Variants in RPL37A observed in about 807,000 individuals in gnomAD.
RPL37A encodes the protein large ribosomal subunit protein eL43.
RPL37A carries 5 observed loss-of-function variants against 13.6 expected under a neutral mutation model. The observed-to-expected ratio is 0.37, with a 90% confidence interval of 0.19 to 0.78. The LOEUF is 0.78. Ranked by LOEUF, RPL37A falls within the 30% of genes least tolerant of loss-of-function variation. RPL37A has a pLI of 0.49. For synonymous variants in RPL37A, 50 were observed against 44.4 expected (o/e 1.13, Z -0.50); for missense variants, 77 against 120.0 (o/e 0.64, Z 1.67).
chr2:216,501,360 G>A lies in RPL37A; in HGVS notation c.235G>A (p.Val79Ile). The change falls in exon 4 of 4, where the codon GTA becomes ATA. Residue 79 changes from valine to isoleucine, a missense_variant. Val to Ile is a conservative substitution (Grantham distance 29). Coordinates refer to ENST00000491306, the MANE Select transcript of RPL37A (RefSeq NM_000998.5). Reference sequence around the variant, plus strand: ...TTCCAGTACCACTTCCGCTGTCACGGTAAAGTCCGCCATCAGAAGACTGAA... The same window carrying A: ...TTCCAGTACCACTTCCGCTGTCACGATAAAGTCCGCCATCAGAAGACTGAA... ...WTYNTTSAVT[V>I]KSAIRRLKEL... 1 of 1,612,452 alleles carries A rather than the reference G, an allele frequency of 6.2e-7. No individual in the cohort carries two copies. The highest frequency in any genetic ancestry group is 8.5e-7 in the Non-Finnish European group (1 of 1,179,460).
At chr2:216,500,322 G>A (rs1232227292) in intron 3 of RPL37A, 2 of 431,768 alleles carry the variant, frequency 4.6e-6, no homozygotes, top group African/African-American at 2.0e-5. Flanking sequence ...CATTAGTGGG[G>A]CTGAATCTAC....
At chr2:216,499,782 CGTTTAT>C in intron 2 of RPL37A, 161 bp from the exon 3 acceptor site, 1 of 727,958 alleles carries the variant, frequency 1.4e-6, no homozygotes, top group Non-Finnish European at 2.5e-6. Flanking sequence ...AAGGTTTGAA[CGTTTAT>C]GTGCAAAATA....
chr2:216,500,763 T>C lies in RPL37A; in HGVS notation c.216-578T>C, dbSNP rs906319087. ...TTATTTATATACTTACAATACAGGA[T>C]GGTGATTTTCAGGTATAGTTCCTGA... On this transcript the variant is annotated intron_variant, in intron 3 of 3. Transcript: ENST00000491306. The C allele has an allele frequency of 2.6e-5, 4 of 152,418 alleles. No homozygotes were observed. In the East Asian group the frequency reaches 7.7e-4, roughly 29 times the overall value. The allele number at this position is 152,418 out of a possible 1,614,324, so 9.4% of individuals were successfully genotyped here. A position where few individuals can be genotyped will look rare whatever the true frequency, so the allele number is the denominator to read the frequency against.
chr2:216,502,494 A>G lies in RPL37A; in HGVS notation c.*1090A>G, dbSNP rs982578462. 1 of 152,234 alleles carries G rather than the reference A, an allele frequency of 6.6e-6. No individual in the cohort carries two copies. Among genetic ancestry groups the G allele is most frequent in the African/African-American group, 2.4e-5 (1 of 41,470 alleles). 9.4% of individuals were successfully genotyped at this position (152,234 alleles called of 1,614,324 possible). On this transcript the variant is annotated 3_prime_UTR_variant, in exon 4 of 4. Transcript: ENST00000491306. ...TTCTCCAGTTTTTAGTTTGCACGTA[A>G]GGATTCGTAGGATTGATTTCAGATT...
Position 216,503,602 on chromosome 2 carries a change from A to G in RPL37A, c.*2198A>G, listed in dbSNP as rs1052881466. ...TTTTTAGTAGAGATGGGCTTTCGCC[A>G]TGTTGACCAGGCTGGTCTCAAACTC... On this transcript the variant is annotated 3_prime_UTR_variant, in exon 4 of 4. Coordinates refer to ENST00000491306, the MANE Select transcript of RPL37A (RefSeq NM_000998.5). 2.0e-5 allele frequency: 3 copies of G among 152,170 alleles called. No individual in the cohort carries two copies. Among genetic ancestry groups the G allele is most frequent in the Non-Finnish European group, 4.4e-5 (3 of 68,038 alleles). The allele number at this position is 152,170 out of a possible 1,614,324, so 9.4% of individuals were successfully genotyped here.
chr2:216,498,878 G>A lies in RPL37A; in HGVS notation c.3+1G>A, dbSNP rs750610716. The A allele has an allele frequency of 1.2e-6, 2 of 1,614,080 alleles. No individual in the cohort carries two copies. The highest frequency in any genetic ancestry group is 1.7e-5 in the Admixed American group (1 of 60,024). On this transcript the variant is annotated splice_donor_variant, in intron 1 of 3. Coordinates refer to ENST00000491306, the MANE Select transcript of RPL37A (RefSeq NM_000998.5). LOFTEE classifies it high-confidence loss of function. ...CTCGGACCTAGGTCGCGGCGACATG[G>A]TGAGTGTGGGTCTCTGTGCGGCCTA...
rs368482384 is a variant in RPL37A, at chr2:216,500,063, G to A, written c.215+32G>A. ...CTAGTTCCTTGTGGTATTTGGAAGT[G>A]TGTGGACCACATAGGCCCAAATTCC... On this transcript the variant is annotated intron_variant, in intron 3 of 3. Coordinates refer to ENST00000491306, the MANE Select transcript of RPL37A (RefSeq NM_000998.5). 17 of 1,572,712 alleles carry A rather than the reference G, an allele frequency of 1.1e-5. No individual in the cohort carries two copies. In the African/African-American group the frequency reaches 1.6e-4, roughly 15 times the overall value.
rs1695544857 is a variant in RPL37A at position 216,498,851 on chromosome 2, G to A, written c.-24G>A. On this transcript the variant is annotated 5_prime_UTR_variant, in exon 1 of 4. Coordinates refer to ENST00000491306, the MANE Select transcript of RPL37A (RefSeq NM_000998.5). ...TGCGCACCGCGTCTCTTCCTTTCTG[G>A]GCTCGGACCTAGGTCGCGGCGACAT... is the stretch of plus-strand genomic sequence containing the variant. 1.9e-6 allele frequency: 3 copies of A among 1,614,090 alleles called. No homozygotes were observed. Among genetic ancestry groups the A allele is most frequent in the Non-Finnish European group, 2.5e-6 (3 of 1,179,964 alleles).
chr2:216,500,109 A>G (rs937232932), intron 3 of RPL37A, 78 bp downstream of exon 3: 6 of 1,042,692 alleles, frequency 5.8e-6, no homozygotes, highest in South Asian at 3.8e-5. Flanking sequence ...TGGATGGGCT[A>G]GTTTTAACAC....
At chr2:216,499,032 G>A (rs2106108758) in intron 1 of RPL37A, 155 bp downstream of exon 1, 1 of 1,274,852 alleles carries the variant, frequency 7.8e-7, no homozygotes, top group South Asian at 1.3e-5. Flanking sequence ...TCCCCAAGGC[G>A]GAGGGGCGGG....
intron 3 of RPL37A, 32 bp from the exon 4 acceptor site, chr2:216,501,309 A>G (rs1017537734): frequency 1.3e-6 from 2 of 1,586,370 alleles, no homozygotes; most frequent in Non-Finnish European, 1.7e-6. Flanking sequence ...TAACATGCTT[A>G]ATTATGTTGG....
chr2:216,501,306 C>CTTAA, intron 3 of RPL37A, 35 bp from the exon 4 acceptor site: 1 of 1,579,504 alleles, frequency 6.3e-7, no homozygotes. Flanking sequence ...TGTTAACATG[C>CTTAA]TTAATTATGT....
intron 2 of RPL37A, chr2:216,499,662 G>A: frequency 1.6e-6 from 1 of 630,280 alleles, no homozygotes; most frequent in Non-Finnish European, 2.8e-6. Context: ...AACCTGCTTT[G>A]TGGGAAATGA....
At position 216,503,075 on chromosome 2, in the gene RPL37A, GAC is replaced by G. The variant is rs1695626093; in HGVS notation, c.*1675_*1676del. 1 of 152,174 alleles carries G rather than the reference GAC, an allele frequency of 6.6e-6. No individual in the cohort carries two copies. Among genetic ancestry groups the G allele is most frequent in the South Asian group, 2.1e-4 (1 of 4,834 alleles). 9.4% of individuals were successfully genotyped at this position (152,174 alleles called of 1,614,324 possible). A position where few individuals can be genotyped will look rare whatever the true frequency, so the allele number is the denominator to read the frequency against. On this transcript the variant is annotated 3_prime_UTR_variant, in exon 4 of 4. Coordinates refer to ENST00000491306, the MANE Select transcript of RPL37A (RefSeq NM_000998.5). ...CAGGATTTTCAGGCTTCATAGGAAT[GAC>G]ACAGCTCTCCAGGTGAATCTCCTGG...
rs1695554732 is a variant in RPL37A at position 216,499,264 on chromosome 2, A to C, written c.4-6A>C. 1 of 1,611,576 alleles carries C rather than the reference A, an allele frequency of 6.2e-7. No homozygotes were observed. The highest frequency in any genetic ancestry group is 8.5e-7 in the Non-Finnish European group (1 of 1,179,356). ...TATCACTGGTTTCTCCCTTCACTCT[A>C]AACAGGCCAAACGTACCAAGAAAGT... is the stretch of plus-strand genomic sequence containing the variant. On this transcript the variant is annotated splice_region_variant and splice_polypyrimidine_tract_variant and intron_variant, in intron 1 of 3. Coordinates refer to ENST00000491306, the MANE Select transcript of RPL37A (RefSeq NM_000998.5).
At position 216,499,281 on chromosome 2, in the gene RPL37A, C is replaced by T. The variant is rs552195231; in HGVS notation, c.15C>T (p.Thr5=). The change falls in exon 2 of 4, where the codon ACC becomes ACT. Residue 5 remains threonine (T), a synonymous_variant. Coordinates refer to ENST00000491306, the MANE Select transcript of RPL37A (RefSeq NM_000998.5). ...TTCACTCTAAACAGGCCAAACGTAC[C>T]AAGAAAGTCGGGATCGTCGGTAAAT... is the stretch of plus-strand genomic sequence containing the variant. The part of the protein sequence containing the change: MAKR[T]KKVGIVGKYG... 1.2e-6 allele frequency: 2 copies of T among 1,612,726 alleles called. No individual in the cohort carries two copies. Among genetic ancestry groups the T allele is most frequent in the East Asian group, 2.2e-5 (1 of 44,898 alleles).
chr2:216,503,654 T>G lies in RPL37A; in HGVS notation c.*2250T>G. 6.6e-6 allele frequency: 1 copy of G among 152,214 alleles called. No individual in the cohort carries two copies. The highest frequency in any genetic ancestry group is 2.4e-5 in the African/African-American group (1 of 41,466). 9.4% of individuals were successfully genotyped at this position (152,214 alleles called of 1,614,324 possible). On this transcript the variant is annotated 3_prime_UTR_variant, in exon 4 of 4. Transcript: ENST00000491306. ...CAGGCTCAACTGATAACGTCTGCCT[T>G]GGCCTCCCAAAGTGCTGGGATTCTG... is the stretch of plus-strand genomic sequence containing the variant.
In RPL37A at chr2:216,503,510, T is replaced by G. The variant is rs2106112093; in HGVS notation, c.*2106T>G. 6.6e-6 allele frequency: 1 copy of G among 152,340 alleles called. No homozygotes were observed. The highest frequency in any genetic ancestry group is 2.1e-4 in the South Asian group (1 of 4,830). 9.4% of individuals were successfully genotyped at this position (152,340 alleles called of 1,614,324 possible). On this transcript the variant is annotated 3_prime_UTR_variant, in exon 4 of 4. Coordinates refer to ENST00000491306, the MANE Select transcript of RPL37A (RefSeq NM_000998.5). ...CCCGGGTTCAAGCAGTTCTCGTGCC[T>G]CAGCCTCCGAAGTAGCTGGGATTAC...
chr2:216,501,150 G>C, intron 3 of RPL37A, 191 bp from the exon 4 acceptor site: 1 of 495,688 alleles, frequency 2.0e-6, no homozygotes, highest in Non-Finnish European at 3.6e-6. Context: ...AATTTCCGAG[G>C]AGTAATCTAA....
Sources: gnomAD v4.1 joint callset for allele counts on GRCh38, gnomAD v4.1.1 for gene constraint, MANE v1.5 for transcripts, NCBI Gene and HGNC (gene_info 2026-07-23, HGNC 2026-07-21) for gene names.